Variants in CAMTA1 observed in about 807,000 individuals in gnomAD.
CAMTA1 encodes the protein calmodulin binding transcription activator 1, also known as calmodulin-binding transcription activator 1.
A neutral mutation model predicts 170.9 loss-of-function variants in CAMTA1; 27 were observed. The observed-to-expected ratio is 0.16, with a 90% confidence interval of 0.12 to 0.22. CAMTA1 has a LOEUF of 0.22. CAMTA1 is among the 10% of genes least tolerant of loss of function. CAMTA1 has a pLI of 1.00. For missense variants in CAMTA1, 1,619 were observed against 2,217.2 expected, an observed-to-expected ratio of 0.73 and a Z score of 5.42; for synonymous variants, 833 against 891.5, an observed-to-expected ratio of 0.93 and a Z score of 1.17.
At chr1:7,089,291 G>T (rs1432292047) in intron 3 of CAMTA1, among the ~76,000 whole-genome samples, 1 of 152,168 alleles carries the variant, frequency 6.6e-6, no homozygotes, top group Non-Finnish European at 1.5e-5. Flanking sequence ...CTAATAAGAG[G>T]CCGTGCTGGT....
chr1:6,962,523 G>T (rs1240289129), intron 3 of CAMTA1, among the ~76,000 whole-genome samples: 1 of 139,096 alleles, frequency 7.2e-6, no homozygotes, highest in Non-Finnish European at 1.5e-5. Context: ...TTATGGACCT[G>T]CCCTCGTCTG....
Position 7,562,038 on chromosome 1 carries a change from C to G in CAMTA1, c.511-78362C>G, listed in dbSNP as rs564583222. ...GCAGACTTTGTCCCCATCGAAGGGT[C>G]GTGGCCAAGATGGTGATTGGGAGAT... On this transcript the variant is annotated intron_variant, in intron 6 of 22. Coordinates refer to ENST00000303635, the MANE Select transcript of CAMTA1 (RefSeq NM_015215.4). This position sits in a 1 kb window ranked among gnomAD's most constrained non-coding sequence, Gnocchi z 4.8. Among the ~76,000 whole-genome samples, 134 of 152,226 alleles carry G rather than the reference C, an allele frequency of 8.8e-4. No homozygotes were observed. The highest frequency in any genetic ancestry group is 3.1e-3 in the African/African-American group (127 of 41,542).
chr1:7,095,605 C>G (rs761155528), intron 4 of CAMTA1, among the ~76,000 whole-genome samples: 1 of 152,212 alleles, frequency 6.6e-6, no homozygotes, highest in East Asian at 1.9e-4. Context: ...CCAGGGAGCC[C>G]GTCAATAGCT....
At chr1:7,256,608 C>T (rs9988463) in intron 5 of CAMTA1, among the ~76,000 whole-genome samples, 90,375 of 152,098 alleles carry the variant, frequency 0.59, 27,522 homozygotes, top group African/African-American at 0.66. Context: ...TTTCTGTTTG[C>T]ATCTGCTGAG....
At chr1:6,964,947 A>G (rs1475872696) in intron 3 of CAMTA1, among the ~76,000 whole-genome samples, 2 of 152,180 alleles carry the variant, frequency 1.3e-5, no homozygotes, top group Non-Finnish European at 2.9e-5. Context: ...CGGCTGGGAA[A>G]GAGCTGTCTT....
At chr1:6,985,773 A>G (rs1005556694) in intron 3 of CAMTA1, among the ~76,000 whole-genome samples, 1 of 152,226 alleles carries the variant, frequency 6.6e-6, no homozygotes, top group Admixed American at 6.5e-5. Flanking sequence ...AGAAGCCTTC[A>G]GACGTGAACT....
At chr1:7,688,630 A>G (rs947416) in intron 11 of CAMTA1, among the ~76,000 whole-genome samples, 148,469 of 152,256 alleles carry the variant, frequency 0.98, 72,489 homozygotes, top group East Asian at 1. Flanking sequence ...GGGGATGTGA[A>G]TTCCTAGTGG....
chr1:7,086,552 T>C (rs1338864162), intron 3 of CAMTA1, among the ~76,000 whole-genome samples: 9 of 152,150 alleles, frequency 5.9e-5, no homozygotes, highest in African/African-American at 2.2e-4. Context: ...CCGACACCCA[T>C]CAGCCATAAC....
intron 6 of CAMTA1, among the ~76,000 whole-genome samples, chr1:7,525,233 C>T (rs1298694723): frequency 2.6e-5 from 4 of 152,012 alleles, no homozygotes; most frequent in African/African-American, 9.7e-5. Flanking sequence ...CTCCGGGCCG[C>T]CCTGCAGCAG....
chr1:7,394,835 G>GTC (rs1476552244), intron 5 of CAMTA1, among the ~76,000 whole-genome samples: 1 of 108,778 alleles, frequency 9.2e-6, no homozygotes, highest in East Asian at 2.4e-4. Flanking sequence ...GTGTGTGTGT[G>GTC]TGTGTGTCTG....
chr1:6,811,331 AT>A lies in CAMTA1; in HGVS notation c.46-8846del, dbSNP rs1388524396. Among the ~76,000 whole-genome samples, 4 of 152,106 alleles carry A rather than the reference AT, an allele frequency of 2.6e-5. No homozygotes were observed. In the East Asian group the frequency reaches 7.7e-4, roughly 29 times the overall value. On this transcript the variant is annotated intron_variant, in intron 1 of 22. Transcript: ENST00000303635. ...GTAGAACCCATGGAATTTAACTTACATTTTCCTTAATAACTTGGGTTCATTA... is the reference window on the plus strand; with the variant it reads ...GTAGAACCCATGGAATTTAACTTACATTTCCTTAATAACTTGGGTTCATTA...
In CAMTA1 at chr1:7,216,470, C is replaced by T. The variant is rs1226797179; in HGVS notation, c.303-33021C>T. 8.9e-6 allele frequency among the ~76,000 whole-genome samples: 1 copy of T among 112,376 alleles called. No individual in the cohort carries two copies. Among genetic ancestry groups the T allele is most frequent in the Non-Finnish European group, 2.3e-5 (1 of 44,186 alleles). The allele number at this position is 112,376 out of a possible 152,430, so 73.7% of individuals were successfully genotyped here. ...GTAAACACACTATTCTTAGTGTTTT[C>T]ATCTATATTTCCTACAGTTTCTTTC... is the stretch of plus-strand genomic sequence containing the variant. On this transcript the variant is annotated intron_variant, in intron 4 of 22. Transcript: ENST00000303635. This position sits in a 1 kb window ranked among gnomAD's most constrained non-coding sequence, Gnocchi z 4.0.
At chr1:6,903,213 C>T (rs1677517871) in intron 3 of CAMTA1, among the ~76,000 whole-genome samples, 2 of 152,132 alleles carry the variant, frequency 1.3e-5, no homozygotes, top group Non-Finnish European at 1.5e-5. Context: ...TGAGACCACT[C>T]TATGGTGATC....
At chr1:7,471,659 C>T (rs1227156557) in intron 6 of CAMTA1, among the ~76,000 whole-genome samples, 1 of 152,264 alleles carries the variant, frequency 6.6e-6, no homozygotes, top group Non-Finnish European at 1.5e-5. Flanking sequence ...TCCGTTCTCC[C>T]GATGCCTTGG....
rs368176809 is a variant in CAMTA1 at position 7,436,314 on chromosome 1, C to T, written c.439-31516C>T. 2.6e-4 allele frequency among the ~76,000 whole-genome samples: 39 copies of T among 152,254 alleles called. No homozygotes were observed. The South Asian group carries it at 7.5e-3, about 29-fold the overall frequency. On this transcript the variant is annotated intron_variant, in intron 5 of 22. Coordinates refer to ENST00000303635, the MANE Select transcript of CAMTA1 (RefSeq NM_015215.4). ...TGAAGCCCTGGCTTCCGGGCTGGTT[C>T]CAGCATGGGATTGTTCAGGATTGTT...
At chr1:7,313,275 C>T (rs1434293598) in intron 5 of CAMTA1, among the ~76,000 whole-genome samples, 1 of 152,152 alleles carries the variant, frequency 6.6e-6, no homozygotes, top group East Asian at 1.9e-4. Context: ...TCTTCTCTAC[C>T]ATCTCCTCTT....
chr1:7,606,845 G>T (rs2095490164), intron 6 of CAMTA1, among the ~76,000 whole-genome samples: 1 of 152,216 alleles, frequency 6.6e-6, no homozygotes, highest in Non-Finnish European at 1.5e-5. Context: ...CCCTGGGATG[G>T]CTGGGGAGGA....
intron 3 of CAMTA1, among the ~76,000 whole-genome samples, chr1:7,006,146 GTA>G (rs971211319): frequency 5.9e-5 from 9 of 152,192 alleles, no homozygotes; most frequent in African/African-American, 2.2e-4. Context: ...CCTGCCCATA[GTA>G]TTTGGGTTTG....
chr1:7,106,273 AAAG>A (rs1482876035), intron 4 of CAMTA1, among the ~76,000 whole-genome samples: 2 of 151,692 alleles, frequency 1.3e-5, no homozygotes, highest in Non-Finnish European at 2.9e-5. Flanking sequence ...AGAGAGAGAG[AAAG>A]AAAGAAGGAG....
Sources: gnomAD v4.1 joint callset for allele counts (sites outside exome capture counted in the v4.1 genomes callset) on GRCh38, gnomAD v4.1.1 for gene constraint, Gnocchi (gnomAD v3.1) non-coding constraint, MANE v1.5 for transcripts, NCBI Gene and HGNC (gene_info 2026-07-23, HGNC 2026-07-21) for gene names.